The following SGMS1 variants were observed in gnomAD, a reference collection of about 807,000 sequenced individuals.
The protein encoded by SGMS1 is sphingomyelin synthase 1.
Under a neutral mutation model 46.2 loss-of-function variants are expected in SGMS1, and 13 were observed. The observed-to-expected ratio is 0.28, with a 90% CI of 0.18 to 0.45. The LOEUF is 0.45. Among genes scored for constraint, SGMS1 ranks in the 20% least tolerant of loss-of-function variants. The probability of loss-of-function intolerance (pLI) is 1.00; values close to 1 mark genes in which losing one functional copy is unlikely to be tolerated. For missense variants in SGMS1, 324 were observed against 519.9 expected (o/e 0.62, Z 3.66); for synonymous variants, 203 against 187.8 (o/e 1.08, Z -0.66).
rs868482932 is a variant in SGMS1 at position 50,562,364 on chromosome 10, G to A, written c.-589+27789C>T. Among the ~76,000 whole-genome samples, 118 of 147,014 alleles carry A rather than the reference G, an allele frequency of 8.0e-4. 2 individuals carry two copies. In the South Asian group the frequency reaches 0.013, roughly 17 times the overall value. On this transcript the variant is annotated intron_variant, in intron 2 of 10. Coordinates refer to ENST00000361781, the MANE Select transcript of SGMS1 (RefSeq NM_147156.4). Reference sequence around the variant, plus strand: ...TGTGTGTGTGTGTGTGTGCGCGCGCGCACACACACACACTCACACACGGGC... The same window carrying A: ...TGTGTGTGTGTGTGTGTGCGCGCGCACACACACACACACTCACACACGGGC...
rs925405611 is a variant in SGMS1 at position 50,482,411 on chromosome 10, C to T, written c.-497-15479G>A. ...AATTTCCAACCCAGAATTTCATATACGGCCAAACTAAGCTTCATAAGCAAA... is the reference window on the plus strand; with the variant it reads ...AATTTCCAACCCAGAATTTCATATATGGCCAAACTAAGCTTCATAAGCAAA... On this transcript the variant is annotated intron_variant, in intron 3 of 10. Transcript: ENST00000361781. Among the ~76,000 whole-genome samples, 7 of 152,254 alleles carry T rather than the reference C, an allele frequency of 4.6e-5. No homozygotes were observed. The East Asian group carries it at 7.7e-4, about 17-fold the overall frequency.
intron 3 of SGMS1, among the ~76,000 whole-genome samples, chr10:50,477,355 A>C (rs1262764456): frequency 6.6e-6 from 1 of 152,236 alleles, no homozygotes; most frequent in Non-Finnish European, 1.5e-5. Context: ...GAATGGGGGC[A>C]TATACCCAAT....
At chr10:50,359,095 T>C (rs1426759204) in intron 6 of SGMS1, among the ~76,000 whole-genome samples, 1 of 152,196 alleles carries the variant, frequency 6.6e-6, no homozygotes, top group Non-Finnish European at 1.5e-5. Context: ...CCCTATGAAA[T>C]GGCCCCTTGA....
chr10:50,611,409 C>T (rs533039548), intron 1 of SGMS1, among the ~76,000 whole-genome samples: 37 of 152,328 alleles, frequency 2.4e-4, no homozygotes, highest in Middle Eastern at 3.4e-3. Flanking sequence ...AGGATTTAAA[C>T]CCAAGCCCAC....
At chr10:50,497,030 G>A (rs1485209351) in intron 3 of SGMS1, among the ~76,000 whole-genome samples, 1 of 152,114 alleles carries the variant, frequency 6.6e-6, no homozygotes, top group Non-Finnish European at 1.5e-5. Flanking sequence ...GGGGGATATG[G>A]TAAAGTCATC....
At chr10:50,421,576 GTCACAACA>G (rs1849254901) in intron 6 of SGMS1, among the ~76,000 whole-genome samples, 1 of 152,198 alleles carries the variant, frequency 6.6e-6, no homozygotes, top group East Asian at 1.9e-4. Context: ...CCACCTCTCA[GTCACAACA>G]GGACCTCCTG....
chr10:50,354,885 C>T (rs2133393172), intron 6 of SGMS1, among the ~76,000 whole-genome samples: 1 of 152,276 alleles, frequency 6.6e-6, no homozygotes, highest in South Asian at 2.1e-4. Context: ...ATCAAAACCA[C>T]AATGAGATAC....
chr10:50,441,757 AAGT>A (rs1184393122), intron 5 of SGMS1, among the ~76,000 whole-genome samples: 2 of 152,262 alleles, frequency 1.3e-5, no homozygotes, highest in African/African-American at 4.8e-5. Flanking sequence ...TCCTAATTTA[AAGT>A]AGTAGAAAAT....
At chr10:50,579,885 T>C (rs1838417123) in intron 2 of SGMS1, among the ~76,000 whole-genome samples, 1 of 152,146 alleles carries the variant, frequency 6.6e-6, no homozygotes, top group Non-Finnish European at 1.5e-5. Context: ...ACAGCAGGCC[T>C]AGAGAGCAAG....
chr10:50,357,101 C>G (rs1848166925), intron 6 of SGMS1, among the ~76,000 whole-genome samples: 1 of 151,154 alleles, frequency 6.6e-6, no homozygotes, highest in African/African-American at 2.4e-5. Context: ...AGAAAAACAG[C>G]ACGTGTTCAT....
chr10:50,603,530 A>T (rs1346566529), intron 1 of SGMS1, among the ~76,000 whole-genome samples: 11 of 152,242 alleles, frequency 7.2e-5, no homozygotes, highest in Admixed American at 2.6e-4. Flanking sequence ...CAGTAAATTT[A>T]AAAAACACAC....
intron 7 of SGMS1, chr10:50,328,244 C>T (rs12358176): frequency 0.29 from 67,101 of 232,602 alleles, 11,238 homozygotes; most frequent in Non-Finnish European, 0.36. Flanking sequence ...ACATTCTTTC[C>T]CTCTCTACCT....
At chr10:50,465,628 CTTAAGAAAA>C (rs1484453963) in intron 4 of SGMS1, among the ~76,000 whole-genome samples, 1 of 151,878 alleles carries the variant, frequency 6.6e-6, no homozygotes, top group African/African-American at 2.4e-5. Flanking sequence ...AAGAGTAAGA[CTTAAGAAAA>C]TTAGAGATCA....
At chr10:50,311,514 A>G in intron 8 of SGMS1, 99 bp from the exon 9 acceptor site, 1 of 1,273,580 alleles carries the variant, frequency 7.9e-7, no homozygotes, top group Non-Finnish European at 1.1e-6. Flanking sequence ...AGCTTATATT[A>G]AGAAACATAA....
At chr10:50,436,759 T>C (rs1000670152) in intron 5 of SGMS1, among the ~76,000 whole-genome samples, 7 of 152,082 alleles carry the variant, frequency 4.6e-5, no homozygotes, top group Non-Finnish European at 1.0e-4. Context: ...AGAGCTAATA[T>C]GAAAATAAGG....
At chr10:50,545,238 C>G (rs920253114) in intron 2 of SGMS1, among the ~76,000 whole-genome samples, 1 of 152,114 alleles carries the variant, frequency 6.6e-6, no homozygotes, top group African/African-American at 2.4e-5. Flanking sequence ...GAACAAGTGA[C>G]CATCCTTTAA....
chr10:50,325,004 G>T (rs571252874), intron 8 of SGMS1, among the ~76,000 whole-genome samples: 1 of 152,152 alleles, frequency 6.6e-6, no homozygotes, highest in Admixed American at 6.5e-5. Flanking sequence ...TCAGGATATC[G>T]CATCAACTTG....
At chr10:50,340,319 T>A (rs936281983) in intron 7 of SGMS1, 1 of 152,230 alleles carries the variant, frequency 6.6e-6, no homozygotes, top group African/African-American at 2.4e-5. Context: ...AATCCTTACA[T>A]CTTCAGCCTT....
chr10:50,501,146 A>C (rs1837658265), intron 3 of SGMS1, among the ~76,000 whole-genome samples: 1 of 152,100 alleles, frequency 6.6e-6, no homozygotes. Flanking sequence ...TGGCAATAAT[A>C]TCTATACTTC....
Sources: gnomAD v4.1 joint callset for allele counts (sites outside exome capture counted in the v4.1 genomes callset) on GRCh38, gnomAD v4.1.1 for gene constraint, MANE v1.5 for transcripts, NCBI Gene and HGNC (gene_info 2026-07-23, HGNC 2026-07-21) for gene names.